DYM: variants seen among roughly 807,000 people sequenced by gnomAD.
DYM encodes dyggve-Melchior-Clausen syndrome protein.
DYM carries 78 observed loss-of-function variants against 93.1 expected under a neutral mutation model. The ratio of observed to expected loss-of-function variants is 0.84; its 90% CI spans 0.70 to 1.01. DYM has a LOEUF of 1.01. Ranked by LOEUF, DYM falls within the 50% of genes least tolerant of loss-of-function variation. The pLI, the probability that DYM is intolerant of heterozygous loss-of-function variation, is 0.00. For synonymous variants in DYM, 321 were observed against 319.7 expected, an observed-to-expected ratio of 1.00 and a Z score of -0.04; for missense variants, 789 against 845.0, an observed-to-expected ratio of 0.93 and a Z score of 0.82.
intron 13 of DYM, among the ~76,000 whole-genome samples, chr18:49,242,242 T>C (rs1351944814): frequency 6.6e-6 from 1 of 152,102 alleles, no homozygotes; most frequent in Non-Finnish European, 1.5e-5. Flanking sequence ...CGAAACCCCA[T>C]CTCTACTAAA....
chr18:49,189,413 G>A (rs1478341660), intron 14 of DYM, among the ~76,000 whole-genome samples: 1 of 152,082 alleles, frequency 6.6e-6, no homozygotes, highest in African/African-American at 2.4e-5. Flanking sequence ...ACTTCTAAAT[G>A]GCATATGGAG....
At position 49,199,106 on chromosome 18, in the gene DYM, C is replaced by G. The variant is rs2091782429; in HGVS notation, c.1625+10445G>C. 6.6e-5 allele frequency among the ~76,000 whole-genome samples: 10 copies of G among 152,226 alleles called. No individual in the cohort carries two copies. The South Asian group carries it at 2.1e-3, about 32-fold the overall frequency. The stretch of plus-strand genomic sequence containing the variant: ...ACATGGATGAAGCTGGAAACCATCA[C>G]TCTCAGCAAACTATCACAAGGACAA... On this transcript the variant is annotated intron_variant, in intron 14 of 17. Transcript: ENST00000675505.
intron 3 of DYM, among the ~76,000 whole-genome samples, chr18:49,384,773 A>G (rs934992630): frequency 6.6e-6 from 1 of 152,136 alleles, no homozygotes; most frequent in African/African-American, 2.4e-5. Context: ...AAAACATTGA[A>G]ATCAATCATA....
intron 13 of DYM, among the ~76,000 whole-genome samples, chr18:49,227,760 G>A (rs1281332849): frequency 6.6e-6 from 1 of 152,124 alleles, no homozygotes; most frequent in African/African-American, 2.4e-5. Context: ...TCTAATTGAA[G>A]TATCAGCCTG....
At chr18:49,049,838 C>G (rs1182979032) in intron 17 of DYM, 1 of 154,380 alleles carries the variant, frequency 6.5e-6, no homozygotes, top group Non-Finnish European at 1.5e-5. Context: ...TGGCAACTGA[C>G]TCTTAATAAT....
rs370597657 is a variant in DYM, at chr18:49,345,969, T to C, written c.495-12116A>G. On this transcript the variant is annotated intron_variant, in intron 6 of 17. Transcript: ENST00000675505. ...CACTGATCTACAACAGAACATTATATAGCTTTTGAAGAAGAGTGAGAAAGG... is the reference window on the plus strand; with the variant it reads ...CACTGATCTACAACAGAACATTATACAGCTTTTGAAGAAGAGTGAGAAAGG... 1.5e-4 allele frequency among the ~76,000 whole-genome samples: 23 copies of C among 152,316 alleles called. No homozygotes were observed. In the South Asian group the frequency reaches 4.1e-3, roughly 27 times the overall value.
chr18:49,127,458 T>C (rs1451339746), intron 15 of DYM, among the ~76,000 whole-genome samples: 1 of 152,230 alleles, frequency 6.6e-6, no homozygotes, highest in Non-Finnish European at 1.5e-5. Flanking sequence ...TTTCAAATCT[T>C]TATTTTTAGT....
At chr18:49,122,821 C>T (rs1568456884) in intron 15 of DYM, among the ~76,000 whole-genome samples, 1 of 152,166 alleles carries the variant, frequency 6.6e-6, no homozygotes, top group Non-Finnish European at 1.5e-5. Flanking sequence ...ATTCATCTTG[C>T]TCAGTATATT....
At chr18:49,289,772 T>TACACAC (rs1397770081) in intron 8 of DYM, among the ~76,000 whole-genome samples, 21 of 36,632 alleles carry the variant, frequency 5.7e-4, no homozygotes, top group African/African-American at 2.6e-3. Context: ...TATATATATA[T>TACACAC]ACACATATAT....
rs1169555602 is a variant in DYM, at chr18:49,363,202, C to A, written c.453G>T (p.Leu151Phe). The A allele has an allele frequency of 6.2e-7, 1 of 1,613,838 alleles. No homozygotes were observed. Among genetic ancestry groups the A allele is most frequent in the Non-Finnish European group, 8.5e-7 (1 of 1,179,924 alleles). The change falls in exon 6 of 18, where the codon TTG (leucine) becomes TTT (phenylalanine). Residue 151 changes from leucine to phenylalanine, a missense_variant. Physicochemically the swap from Leu to Phe is conservative, Grantham distance 22. Coordinates refer to ENST00000675505, the MANE Select transcript of DYM (RefSeq NM_001353214.3). ...SSDSEDLLEELLCCLMQLITD... is the reference protein window; with the variant it reads ...SSDSEDLLEEFLCCLMQLITD... ...TGATCAACTGCATCAAACAGCACAG[C>A]AATTCTTCCAAAAGATCTTCTGAGT...
At chr18:49,435,211 A>G (rs1317330891) in intron 1 of DYM, among the ~76,000 whole-genome samples, 1 of 123,126 alleles carries the variant, frequency 8.1e-6, no homozygotes, top group African/African-American at 2.8e-5. Flanking sequence ...CCATCTCAAA[A>G]AAAAAAAAAA....
intron 13 of DYM, among the ~76,000 whole-genome samples, chr18:49,256,457 A>T (rs1470555571): frequency 1.3e-5 from 2 of 152,344 alleles, no homozygotes; most frequent in East Asian, 3.9e-4. Flanking sequence ...AGGCATGGAA[A>T]CAGATTCTCC....
Position 49,063,730 on chromosome 18 carries a change from G to A in DYM, c.2026-19526C>T, listed in dbSNP as rs547688308. On this transcript the variant is annotated intron_variant, in intron 17 of 17. Coordinates refer to ENST00000675505, the MANE Select transcript of DYM (RefSeq NM_001353214.3). ...CAGCCTCCGCTTCCTGGGTTGAAGC[G>A]ATTCTCCCATCTCAGCCTCCCAAGT... Among the ~76,000 whole-genome samples, 115 of 148,052 alleles carry A rather than the reference G, an allele frequency of 7.8e-4. 2 individuals carry two copies. The highest frequency in any genetic ancestry group is 2.7e-3 in the African/African-American group (109 of 40,162).
chr18:49,324,763 T>C (rs1220216566), intron 8 of DYM, among the ~76,000 whole-genome samples: 1 of 152,236 alleles, frequency 6.6e-6, no homozygotes, highest in African/African-American at 2.4e-5. Context: ...TTTTAACTAA[T>C]AAGCACCAGC....
chr18:49,310,368 T>C (rs1288091784), intron 8 of DYM, among the ~76,000 whole-genome samples: 2 of 152,184 alleles, frequency 1.3e-5, no homozygotes, highest in South Asian at 2.1e-4. Context: ...AACTTGAAAA[T>C]GTTACTTTAA....
chr18:49,168,712 A>T (rs7233575), intron 14 of DYM, among the ~76,000 whole-genome samples: 87,996 of 151,640 alleles, frequency 0.58, 27,923 homozygotes, highest in Non-Finnish European at 0.73. Context: ...GAAAAAAAAA[A>T]TTTTTACAAT....
chr18:49,129,139 AAC>A (rs2083135836), intron 15 of DYM, among the ~76,000 whole-genome samples: 1 of 152,030 alleles, frequency 6.6e-6, no homozygotes, highest in Non-Finnish European at 1.5e-5. Context: ...AAAAAAGAAA[AAC>A]AGAGTAGCTC....
At chr18:49,398,222 C>T (rs1423776157) in intron 2 of DYM, among the ~76,000 whole-genome samples, 2 of 152,120 alleles carry the variant, frequency 1.3e-5, no homozygotes, top group Non-Finnish European at 2.9e-5. Flanking sequence ...TGGAGACTCA[C>T]CATATTAGAT....
intron 8 of DYM, among the ~76,000 whole-genome samples, chr18:49,319,521 G>A (rs1201429160): frequency 6.6e-6 from 1 of 152,160 alleles, no homozygotes; most frequent in Non-Finnish European, 1.5e-5. Context: ...TGACATAGAT[G>A]AGAGGGAGAA....
Sources: allele counts gnomAD v4.1 joint callset (sites outside exome capture counted in the v4.1 genomes callset), GRCh38; gene constraint gnomAD v4.1.1; transcripts MANE v1.5; gene names NCBI Gene and HGNC (gene_info 2026-07-23, HGNC 2026-07-21).